The following PDE1A variants were observed in gnomAD, a reference collection of about 807,000 sequenced individuals.
PDE1A encodes the protein phosphodiesterase 1A.
PDE1A carries 35 observed loss-of-function variants against 61.7 expected under a neutral mutation model. The ratio of observed to expected loss-of-function variants is 0.57; its 90% CI spans 0.43 to 0.75. PDE1A has a LOEUF of 0.75. PDE1A is among the 30% of genes least tolerant of loss of function. The pLI, the probability that PDE1A is intolerant of heterozygous loss-of-function variation, is 0.00. For synonymous variants in PDE1A, 232 were observed against 213.2 expected, an observed-to-expected ratio of 1.09 and a Z score of -0.77; for missense variants, 597 against 630.6, an observed-to-expected ratio of 0.95 and a Z score of 0.57.
intron 1 of PDE1A, among the ~76,000 whole-genome samples, chr2:182,308,178 C>T (rs1315562520): frequency 6.6e-6 from 1 of 152,092 alleles, no homozygotes; most frequent in Non-Finnish European, 1.5e-5. Context: ...AACAAAATCA[C>T]ATCCAGCTTA....
chr2:182,235,982 T>C (rs1689979410), intron 3 of PDE1A, among the ~76,000 whole-genome samples: 1 of 152,234 alleles, frequency 6.6e-6, no homozygotes, highest in African/African-American at 2.4e-5. Flanking sequence ...ATGTTTTCCT[T>C]TTAAGTCTTG....
rs546739263 is a variant in PDE1A, at chr2:182,399,113, AT to A, written c.53+27464del. On this transcript the variant is annotated intron_variant, in intron 1 of 13. Coordinates refer to ENST00000351439, the Ensembl canonical transcript of PDE1A. ...AATTACGGCCAGTTTTCTCTTTAAAATTTTTTTTGTCTCAGTTTAGCCTATA... is the reference window on the plus strand; with the variant it reads ...AATTACGGCCAGTTTTCTCTTTAAAATTTTTTTGTCTCAGTTTAGCCTATA... Among the ~76,000 whole-genome samples the A allele has an allele frequency of 9.8e-3, 1,483 of 151,912 alleles. 26 individuals are homozygous for A. Among genetic ancestry groups the A allele is most frequent in the African/African-American group, 0.034 (1,402 of 41,502 alleles).
chr2:182,241,789 G>A (rs1281931377), intron 2 of PDE1A: 6 of 1,469,524 alleles, frequency 4.1e-6, no homozygotes, highest in African/African-American at 1.4e-5. Context: ...TGTTAATACT[G>A]ATTAATACTT....
At position 182,456,332 on chromosome 2, in the gene PDE1A, C is replaced by T. The variant is rs79522989; in HGVS notation, c.101+65944G>A. ...GGATCTTAACAAGACCTTCTAGAGACTCCAATGCACACTAGTTTCAAAGTC... is the reference window on the plus strand; with the variant it reads ...GGATCTTAACAAGACCTTCTAGAGATTCCAATGCACACTAGTTTCAAAGTC... On this transcript the variant is annotated intron_variant, in intron 2 of 14. Transcript: ENST00000410103. Among the ~76,000 whole-genome samples, 22 of 152,108 alleles carry T rather than the reference C, an allele frequency of 1.4e-4. No homozygotes were observed. In the East Asian group the frequency reaches 4.1e-3, roughly 28 times the overall value.
chr2:182,430,953 G>T (rs1703910313), upstream of PDE1A, among the ~76,000 whole-genome samples: 1 of 126,282 alleles, frequency 7.9e-6, no homozygotes, highest in Admixed American at 8.3e-5. Flanking sequence ...TCTGGGGACT[G>T]TGGTGGGGTC....
exon 13 of PDE1A, chr2:182,186,050 G>A: frequency 6.2e-7 from 1 of 1,613,964 alleles, no homozygotes; most frequent in Non-Finnish European, 8.5e-7. Context: ...TAGTGCATCA[G>A]CAATGTGTAA....
the PDE1A span, among the ~76,000 whole-genome samples, chr2:182,663,353 A>G: frequency 1.3e-5 from 2 of 152,346 alleles, no homozygotes; most frequent in East Asian, 1.9e-4. Flanking sequence ...AAATAGTTCT[A>G]TCATAAAGAC....
chr2:182,582,172 G>C, the PDE1A span, among the ~76,000 whole-genome samples: 1 of 152,106 alleles, frequency 6.6e-6, no homozygotes, highest in Non-Finnish European at 1.5e-5. Context: ...AGGTGGCAAG[G>C]ATCAAAATGT....
the PDE1A span, among the ~76,000 whole-genome samples, chr2:182,648,700 T>C: frequency 7.0e-6 from 1 of 143,768 alleles, no homozygotes; most frequent in Non-Finnish European, 1.5e-5. Context: ...ACCCTGTCTC[T>C]TTAAAAAAAA....
At chr2:182,539,051 G>A in the PDE1A span, among the ~76,000 whole-genome samples, 20 of 152,232 alleles carry the variant, frequency 1.3e-4, no homozygotes, top group African/African-American at 4.8e-4. Context: ...TGTGTCAATA[G>A]TACCTTTCTG....
the PDE1A span, among the ~76,000 whole-genome samples, chr2:182,713,494 G>T: frequency 6.6e-6 from 1 of 152,262 alleles, no homozygotes; most frequent in Admixed American, 6.5e-5. Flanking sequence ...ATTTAGGTGT[G>T]GTGGCATGTG....
the PDE1A span, among the ~76,000 whole-genome samples, chr2:182,569,550 C>T: frequency 6.6e-6 from 1 of 152,138 alleles, no homozygotes; most frequent in Non-Finnish European, 1.5e-5. Flanking sequence ...AACTTCCTCT[C>T]TTTAACGAGA....
chr2:182,143,811 G>T (rs1257168179), downstream of PDE1A, among the ~76,000 whole-genome samples: 2 of 152,122 alleles, frequency 1.3e-5, no homozygotes, highest in Non-Finnish European at 2.9e-5. Flanking sequence ...CACCGCACCC[G>T]TCCTGGCTTT....
upstream of PDE1A, among the ~76,000 whole-genome samples, chr2:182,431,254 T>C (rs1703937201): frequency 6.6e-6 from 1 of 151,986 alleles, no homozygotes; most frequent in African/African-American, 2.4e-5. Flanking sequence ...TTGTTGCCAA[T>C]CTTTTCTCTT....
chr2:182,147,060 T>A, exon 14 of PDE1A: 1 of 1,515,812 alleles, frequency 6.6e-7, no homozygotes, highest in African/African-American at 1.4e-5. Flanking sequence ...ATGACAGAAG[T>A]CTTTAAGGTG....
chr2:182,669,464 A>C, the PDE1A span, among the ~76,000 whole-genome samples: 2 of 152,196 alleles, frequency 1.3e-5, no homozygotes, highest in African/African-American at 4.8e-5. Context: ...ATGTATTAAA[A>C]GTTGGAAGTT....
chr2:182,516,445 AT>A (rs1260421641), intron 2 of PDE1A, among the ~76,000 whole-genome samples: 7 of 151,948 alleles, frequency 4.6e-5, no homozygotes, highest in African/African-American at 7.3e-5. Context: ...GAGCCCAGGC[AT>A]TCAAGACCAG....
intron 2 of PDE1A, among the ~76,000 whole-genome samples, chr2:182,255,253 G>T (rs935900737): frequency 2.0e-5 from 3 of 152,160 alleles, no homozygotes; most frequent in African/African-American, 7.2e-5. Flanking sequence ...TTAATCATTT[G>T]TTTGTTTAAA....
intron 2 of PDE1A, among the ~76,000 whole-genome samples, chr2:182,501,751 G>A (rs1689094904): frequency 6.6e-6 from 1 of 152,006 alleles, no homozygotes; most frequent in Non-Finnish European, 1.5e-5. Context: ...CTTTCTCCCT[G>A]TCCATACTTC....
Sources: gnomAD v4.1 joint callset for allele counts (sites outside exome capture counted in the v4.1 genomes callset) on GRCh38, gnomAD v4.1.1 for gene constraint, MANE v1.5 for transcripts, NCBI Gene and HGNC (gene_info 2026-07-23, HGNC 2026-07-21) for gene names.